LNPK: variants seen among roughly 807,000 people sequenced by gnomAD.
LNPK encodes lunapark, ER junction formation factor, also known as endoplasmic reticulum junction formation protein lunapark.
LNPK carries 29 observed loss-of-function variants against 55.2 expected under a neutral mutation model. The ratio of observed to expected loss-of-function variants is 0.53; its 90% CI spans 0.39 to 0.72. LNPK has a LOEUF of 0.72. LNPK is among the 30% of genes least tolerant of loss of function. The pLI is 0.00. For synonymous variants in LNPK, 162 were observed against 168.2 expected (o/e 0.96, Z 0.29); for missense variants, 467 against 494.8 (o/e 0.94, Z 0.53).
At chr2:175,963,742 G>T (rs1011772784) in intron 8 of LNPK, among the ~76,000 whole-genome samples, 7 of 150,740 alleles carry the variant, frequency 4.6e-5, no homozygotes, top group Admixed American at 6.6e-5. Flanking sequence ...AAAGAACAAA[G>T]ACAAAAGTCA....
chr2:175,956,142 C>T (rs1286340794), intron 8 of LNPK, among the ~76,000 whole-genome samples: 3 of 151,774 alleles, frequency 2.0e-5, no homozygotes, highest in East Asian at 1.9e-4. Flanking sequence ...TAGCTGGGCA[C>T]GGTGGTACAT....
At chr2:175,986,424 AC>A (rs549415693) in intron 4 of LNPK, among the ~76,000 whole-genome samples, 306 of 152,238 alleles carry the variant, frequency 2.0e-3, no homozygotes, top group African/African-American at 5.5e-3. Context: ...CTCCAAAAAA[AC>A]ATCATATCTT....
At chr2:175,975,816 G>C (rs1011117692) in intron 5 of LNPK, among the ~76,000 whole-genome samples, 1 of 152,142 alleles carries the variant, frequency 6.6e-6, no homozygotes, top group Admixed American at 6.5e-5. Context: ...TTTGAGACCA[G>C]CTTGGACAAA....
chr2:175,953,133 T>A (rs1685501681), intron 8 of LNPK, among the ~76,000 whole-genome samples: 1 of 152,094 alleles, frequency 6.6e-6, no homozygotes, highest in Admixed American at 6.6e-5. Flanking sequence ...CATTTCAGTC[T>A]TCTACTTACT....
intron 5 of LNPK, among the ~76,000 whole-genome samples, chr2:175,977,967 A>G (rs1035867143): frequency 1.3e-5 from 2 of 152,220 alleles, no homozygotes; most frequent in African/African-American, 4.8e-5. Flanking sequence ...AGAGATGGCC[A>G]GAGTATTTAG....
intron 2 of LNPK, among the ~76,000 whole-genome samples, chr2:175,995,199 T>A (rs185540849): frequency 6.6e-6 from 1 of 152,050 alleles, no homozygotes; most frequent in African/African-American, 2.4e-5. Flanking sequence ...GGATTATAGA[T>A]GTGAGCCACC....
chr2:175,965,079 G>A (rs186832816), intron 6 of LNPK, among the ~76,000 whole-genome samples: 1 of 152,302 alleles, frequency 6.6e-6, no homozygotes, highest in Admixed American at 6.5e-5. Context: ...TTAGCTTGCT[G>A]CAAATGCAGT....
At chr2:175,981,179 G>C (rs1008471968) in intron 4 of LNPK, among the ~76,000 whole-genome samples, 2 of 152,184 alleles carry the variant, frequency 1.3e-5, no homozygotes, top group African/African-American at 4.8e-5. Context: ...CATGGCAGAA[G>C]TGATAGTGTA....
chr2:175,938,032 T>G (rs1253157792), intron 11 of LNPK, among the ~76,000 whole-genome samples: 1 of 152,166 alleles, frequency 6.6e-6, no homozygotes, highest in African/African-American at 2.4e-5. Context: ...TAAAGGAGAC[T>G]CTTTGTAAAT....
At position 175,938,301 on chromosome 2, in the gene LNPK, A is replaced by G; in HGVS notation, c.883+12T>C. The G allele has an allele frequency of 6.6e-7, 1 of 1,513,206 alleles. No individual in the cohort carries two copies. Among genetic ancestry groups the G allele is most frequent in the Non-Finnish European group, 9.1e-7 (1 of 1,094,770 alleles). The allele number at this position is 1,513,206 out of a possible 1,614,324, so 93.7% of individuals were successfully genotyped here. On this transcript the variant is annotated intron_variant, in intron 11 of 12. Coordinates refer to ENST00000272748, the MANE Select transcript of LNPK (RefSeq NM_030650.3). Reference sequence around the variant, plus strand: ...ATAAAATATTTAAATCTCATTGCCCAATAATTCTTACCAATGTATTCAAAT... The same window carrying G: ...ATAAAATATTTAAATCTCATTGCCCGATAATTCTTACCAATGTATTCAAAT...
intron 2 of LNPK, among the ~76,000 whole-genome samples, 174 bp downstream of exon 2, chr2:175,995,384 C>A (rs552877609): frequency 6.6e-6 from 1 of 151,822 alleles, no homozygotes; most frequent in South Asian, 2.1e-4. Context: ...ACCTACAGAA[C>A]AAATGGAAGT....
intron 4 of LNPK, among the ~76,000 whole-genome samples, chr2:175,980,897 A>C (rs1687138089): frequency 7.1e-6 from 1 of 140,940 alleles, no homozygotes; most frequent in Non-Finnish European, 1.6e-5. Context: ...GCAGAGAAAG[A>C]CTGTCCCAAA....
chr2:175,931,624 T>C (rs1032241963), intron 12 of LNPK, among the ~76,000 whole-genome samples: 7 of 152,170 alleles, frequency 4.6e-5, no homozygotes, highest in African/African-American at 1.2e-4. Flanking sequence ...TAGTAAGGAA[T>C]GTCCATAAAT....
intron 5 of LNPK, among the ~76,000 whole-genome samples, chr2:175,978,086 C>T (rs141892978): frequency 6.6e-5 from 10 of 152,216 alleles, no homozygotes; most frequent in Admixed American, 5.9e-4. Flanking sequence ...ACTTTACATA[C>T]ATTCAGCCCT....
intron 5 of LNPK, among the ~76,000 whole-genome samples, chr2:175,976,302 G>A (rs1238758879): frequency 1.3e-5 from 2 of 152,204 alleles, no homozygotes; most frequent in Admixed American, 6.5e-5. Flanking sequence ...AATTAGAACT[G>A]TAGTAGTAAA....
At chr2:175,994,871 C>G (rs1406731587) in intron 2 of LNPK, among the ~76,000 whole-genome samples, 1 of 149,678 alleles carries the variant, frequency 6.7e-6, no homozygotes, top group Admixed American at 6.7e-5. Flanking sequence ...TGATAAGCTT[C>G]AAGTAAAAAG....
intron 4 of LNPK, among the ~76,000 whole-genome samples, chr2:175,988,134 C>A (rs1355086369): frequency 6.6e-6 from 1 of 151,974 alleles, no homozygotes; most frequent in Admixed American, 6.6e-5. Context: ...CTTAAGTGTT[C>A]TTTTTCAAAC....
chr2:175,930,639 A>C (rs1439730096), intron 12 of LNPK, among the ~76,000 whole-genome samples: 6 of 113,772 alleles, frequency 5.3e-5, no homozygotes, highest in Non-Finnish European at 9.8e-5. Context: ...CCTGTGAGTA[A>C]TATGTAAATG....
At position 175,947,631 on chromosome 2, in the gene LNPK, C is replaced by T. The variant is rs1158489709; in HGVS notation, c.555G>A (p.Gln185=). 9 of 1,613,892 alleles carry T rather than the reference C, an allele frequency of 5.6e-6. No homozygotes were observed. The highest frequency in any genetic ancestry group is 7.6e-6 in the Non-Finnish European group (9 of 1,179,926). ...ATACTGGAACTTGTGGAGGAGGGCCCTGGTTAGGGCTTGCTGGTGTTGGAG... is the reference window on the plus strand; with the variant it reads ...ATACTGGAACTTGTGGAGGAGGGCCTTGGTTAGGGCTTGCTGGTGTTGGAG... The part of the protein sequence containing the change: ...NLSPTPASPN[Q]GPPPQVPVSP... Residue 185 remains glutamine (Q), a synonymous_variant, in exon 9 of 13, where the codon CAG becomes CAA. Coordinates refer to ENST00000272748, the MANE Select transcript of LNPK (RefSeq NM_030650.3).
Sources: gnomAD v4.1 joint callset for allele counts (sites outside exome capture counted in the v4.1 genomes callset) on GRCh38, gnomAD v4.1.1 for gene constraint, MANE v1.5 for transcripts, NCBI Gene and HGNC (gene_info 2026-07-23, HGNC 2026-07-21) for gene names.